XIST: variants seen among roughly 807,000 people sequenced by gnomAD.
The protein encoded by XIST is X inactive specific transcript.
exon 6 of XIST, chrX:73,821,253 C>T: frequency 1.8e-6 from 1 of 556,850 alleles, no homozygotes; most frequent in Non-Finnish European, 3.2e-6. Flanking sequence ...ACCAATCATA[C>T]TTTGACATTT....
At chrX:73,824,448 G>A (rs754255567) in exon 6 of XIST, 2 of 556,891 alleles carry the variant, frequency 3.6e-6, no homozygotes, top group Non-Finnish European at 6.5e-6. Context: ...CTTATTTTTG[G>A]CTGTGGCTAA....
exon 1 of XIST, chrX:73,849,951 G>T: frequency 1.8e-6 from 1 of 556,301 alleles, no homozygotes; most frequent in Non-Finnish European, 3.2e-6. Context: ...GGAGGAACTG[G>T]ATGCTAGGCA....
chrX:73,837,878 CTT>C (rs1478825919), intron 1 of XIST, among the ~76,000 whole-genome samples: 2 of 111,305 alleles, frequency 1.8e-5, no homozygotes, highest in Non-Finnish European at 3.8e-5. Flanking sequence ...GACTTACTCT[CTT>C]TCTTTTCTGT....
chrX:73,827,725 G>A, exon 6 of XIST: 1 of 549,594 alleles, frequency 1.8e-6, no homozygotes, highest in Non-Finnish European at 3.3e-6. Context: ...AAAGCACACA[G>A]CATGTGACCC....
chrX:73,850,751 G>A (rs1288015774), exon 1 of XIST: 1 of 265,649 alleles, frequency 3.8e-6, no homozygotes, highest in African/African-American at 4.2e-5. Flanking sequence ...TGGGGAGTTG[G>A]GGGGGTTGGG....
chrX:73,829,154 C>A (rs774380326), exon 5 of XIST: 2 of 558,722 alleles, frequency 3.6e-6, no homozygotes, highest in Admixed American at 4.4e-5. Flanking sequence ...GTTCAAATTT[C>A]TTGGACCTGC....
chrX:73,823,355 T>C (rs1922171055), exon 6 of XIST: 2 of 496,286 alleles, frequency 4.0e-6, no homozygotes, highest in Middle Eastern at 3.3e-4. Flanking sequence ...GTGGGTCTTC[T>C]GGGCCAGACC....
intron 2 of XIST, among the ~76,000 whole-genome samples, chrX:73,835,976 A>G (rs1603361390): frequency 9.0e-6 from 1 of 111,671 alleles, no homozygotes; most frequent in Admixed American, 9.5e-5. Context: ...AAAGGTTAAA[A>G]ATTATATTTG....
exon 1 of XIST, chrX:73,844,591 G>T (rs768573617): frequency 8.9e-6 from 5 of 559,029 alleles, no homozygotes; most frequent in Admixed American, 4.4e-5. Flanking sequence ...CAAATGTAAG[G>T]GTCTTATGGA....
At chrX:73,851,124 C>G in exon 1 of XIST, 1 of 559,462 alleles carries the variant, frequency 1.8e-6, no homozygotes, top group Non-Finnish European at 3.2e-6. Context: ...ACCCCCATTT[C>G]TAATTGGTTG....
chrX:73,835,358 C>A (rs1217205691), intron 2 of XIST, among the ~76,000 whole-genome samples: 4 of 111,973 alleles, frequency 3.6e-5, no homozygotes, highest in African/African-American at 1.3e-4. Context: ...GTGTTTTGTG[C>A]CAAATGAAAG....
exon 1 of XIST, chrX:73,845,352 TGA>T: frequency 1.8e-6 from 1 of 556,695 alleles, no homozygotes; most frequent in African/African-American, 2.2e-5. Context: ...AAAAAGGGTC[TGA>T]GAGTAGGACC....
chrX:73,848,525 A>G (rs769299771), exon 1 of XIST: 2 of 558,161 alleles, frequency 3.6e-6, no homozygotes, highest in Non-Finnish European at 6.5e-6. Flanking sequence ...ATCAATGCAC[A>G]AGAAGAGTCC....
At chrX:73,832,226 C>G (rs1384307356) in intron 3 of XIST, among the ~76,000 whole-genome samples, 1 of 110,465 alleles carries the variant, frequency 9.1e-6, no homozygotes, top group African/African-American at 3.3e-5. Flanking sequence ...CTCAGCTACT[C>G]GAGAGGCTGA....
chrX:73,844,346 T>C (rs147984960), exon 1 of XIST: 2 of 558,385 alleles, frequency 3.6e-6, no homozygotes, highest in Admixed American at 2.2e-5. Context: ...TCTTAAAAAG[T>C]AGTGGGTACT....
intron 2 of XIST, among the ~76,000 whole-genome samples, chrX:73,836,200 C>G (rs1376831641): frequency 8.9e-6 from 1 of 111,823 alleles, no homozygotes. Context: ...CTGGCGATAT[C>G]AGAATAATTT....
chrX:73,823,263 T>C (rs768028743), exon 6 of XIST: 5 of 503,670 alleles, frequency 9.9e-6, no homozygotes, highest in Non-Finnish European at 1.0e-5. Context: ...TTCCTGAAAC[T>C]AGGAAAAATG....
At chrX:73,851,578 G>T in exon 1 of XIST, 1 of 559,014 alleles carries the variant, frequency 1.8e-6, no homozygotes, top group Non-Finnish European at 3.2e-6. Flanking sequence ...CTGCACCTTA[G>T]TCTTTCCTAA....
At chrX:73,829,585 G>A (rs961080668) in intron 4 of XIST, 1 of 129,090 alleles carries the variant, frequency 7.7e-6, no homozygotes, top group Admixed American at 8.4e-5. Context: ...GAGGTCAGGA[G>A]TTTGAGACCA....
Sources: allele counts gnomAD v4.1 joint callset (sites outside exome capture counted in the v4.1 genomes callset), GRCh38; gene constraint gnomAD v4.1.1; transcripts MANE v1.5; gene names NCBI Gene and HGNC (gene_info 2026-07-23, HGNC 2026-07-21).